The following PTPRD variants were observed in gnomAD, a reference collection of about 807,000 sequenced individuals.
PTPRD encodes the protein receptor-type tyrosine-protein phosphatase delta.
PTPRD carries 34 observed loss-of-function variants against 214.5 expected under a neutral mutation model. The ratio of observed to expected loss-of-function variants is 0.16; its 90% confidence interval spans 0.12 to 0.21. The LOEUF (loss-of-function observed/expected upper bound fraction) is 0.21. Ranked by LOEUF, PTPRD falls within the 10% of genes least tolerant of loss-of-function variation. The probability of loss-of-function intolerance (pLI) is 1.00; values close to 1 mark genes in which losing one functional copy is unlikely to be tolerated. For missense variants in PTPRD, 2,545 were observed against 2,398.7 expected, an observed-to-expected ratio of 1.06 and a Z score of -1.27; for synonymous variants, 1,128 against 845.7, an observed-to-expected ratio of 1.33 and a Z score of -5.79.
chr9:8,748,699 G>A (rs1291386396), intron 11 of PTPRD, among the ~76,000 whole-genome samples: 9 of 151,972 alleles, frequency 5.9e-5, no homozygotes, highest in East Asian at 1.9e-4. Context: ...ATCACCTGAC[G>A]TCAGGAGTTC....
chr9:8,776,716 T>C (rs1006678358), intron 11 of PTPRD, among the ~76,000 whole-genome samples: 7 of 151,482 alleles, frequency 4.6e-5, no homozygotes, highest in African/African-American at 1.7e-4. Flanking sequence ...AGGGATTCCA[T>C]TCAGAAACAA....
rs111228988 is a variant in PTPRD at position 9,195,082 on chromosome 9, T to TTGTG, written c.-202-11723_-202-11720dup. ...AATACATATATACATATGTGTGTGT[T>TTGTG]TGTGTATATATATATATATATATAT... On this transcript the variant is annotated intron_variant, in intron 9 of 45. Coordinates refer to ENST00000381196, the MANE Select transcript of PTPRD (RefSeq NM_002839.4). Among the ~76,000 whole-genome samples, 58 of 88,896 alleles carry TTGTG rather than the reference T, an allele frequency of 6.5e-4. No individual in the cohort carries two copies. The Admixed American group carries it at 7.0e-3, about 11-fold the overall frequency. 58.3% of individuals were successfully genotyped at this position (88,896 alleles called of 152,430 possible).
intron 2 of PTPRD, among the ~76,000 whole-genome samples, chr9:10,392,649 G>C (rs2098090897): frequency 6.6e-6 from 1 of 151,846 alleles, no homozygotes; most frequent in Admixed American, 6.6e-5. Flanking sequence ...TAGAGTTAGA[G>C]CATGCATTTT....
At chr9:8,839,590 G>C (rs2097518222) in intron 11 of PTPRD, among the ~76,000 whole-genome samples, 1 of 152,166 alleles carries the variant, frequency 6.6e-6, no homozygotes, top group African/African-American at 2.4e-5. Flanking sequence ...CTCCCAAAGT[G>C]CTGGGATTAC....
At chr9:10,038,998 G>C (rs1330653839) in intron 3 of PTPRD, among the ~76,000 whole-genome samples, 4 of 151,820 alleles carry the variant, frequency 2.6e-5, no homozygotes, top group Non-Finnish European at 4.4e-5. Flanking sequence ...GTGAGTCTAG[G>C]TACAAAAATG....
At chr9:8,596,477 A>G (rs2094482584) in intron 14 of PTPRD, among the ~76,000 whole-genome samples, 1 of 152,108 alleles carries the variant, frequency 6.6e-6, no homozygotes, top group African/African-American at 2.4e-5. Flanking sequence ...ACTTAGAATA[A>G]GCATCGTTAA....
intron 10 of PTPRD, among the ~76,000 whole-genome samples, chr9:9,047,809 G>A (rs1569503786): frequency 6.6e-6 from 1 of 152,040 alleles, no homozygotes; most frequent in Non-Finnish European, 1.5e-5. Flanking sequence ...AGCTCTGCAG[G>A]ACATTGGTCT....
intron 5 of PTPRD, among the ~76,000 whole-genome samples, chr9:9,807,928 A>G (rs1453554413): frequency 6.6e-6 from 1 of 152,096 alleles, no homozygotes; most frequent in Non-Finnish European, 1.5e-5. Context: ...TTTATATTGT[A>G]TTTTCATATT....
chr9:8,577,925 A>G (rs1159661663), intron 14 of PTPRD, among the ~76,000 whole-genome samples: 1 of 152,116 alleles, frequency 6.6e-6, no homozygotes. Context: ...TTTCTATTGA[A>G]ATCCTGTGTG....
At chr9:8,754,587 A>G (rs983335332) in intron 11 of PTPRD, among the ~76,000 whole-genome samples, 6 of 152,232 alleles carry the variant, frequency 3.9e-5, no homozygotes, top group Non-Finnish European at 8.8e-5. Context: ...ACCTCACACC[A>G]TATACAAAAT....
intron 32 of PTPRD, among the ~76,000 whole-genome samples, chr9:8,463,308 C>CAA (rs71308864): frequency 0.037 from 1,061 of 28,850 alleles, 151 homozygotes; most frequent in African/African-American, 0.079. Flanking sequence ...CAGAGGCAGC[C>CAA]AAAAAAAAAA....
chr9:9,306,699 C>T (rs983703637), intron 9 of PTPRD, among the ~76,000 whole-genome samples: 1 of 151,648 alleles, frequency 6.6e-6, no homozygotes, highest in Non-Finnish European at 1.5e-5. Flanking sequence ...AAATGGAATG[C>T]TATTGAATGC....
chr9:9,275,406 C>G (rs1945214146), intron 9 of PTPRD, among the ~76,000 whole-genome samples: 1 of 149,650 alleles, frequency 6.7e-6, no homozygotes, highest in African/African-American at 2.4e-5. Context: ...TCAGAGTCAC[C>G]TGCATTCAGT....
chr9:10,118,624 G>C (rs966513421), intron 3 of PTPRD, among the ~76,000 whole-genome samples: 1 of 151,508 alleles, frequency 6.6e-6, no homozygotes, highest in African/African-American at 2.4e-5. Flanking sequence ...AAGAATTAAA[G>C]ATGTTAGTTG....
At chr9:9,643,314 T>C (rs1390111802) in intron 7 of PTPRD, among the ~76,000 whole-genome samples, 3 of 152,046 alleles carry the variant, frequency 2.0e-5, no homozygotes, top group Non-Finnish European at 4.4e-5. Flanking sequence ...TTATACTTAA[T>C]CAGAACCAGT....
intron 14 of PTPRD, among the ~76,000 whole-genome samples, chr9:8,578,227 T>C (rs1374283424): frequency 6.6e-6 from 1 of 152,130 alleles, no homozygotes; most frequent in Non-Finnish European, 1.5e-5. Context: ...GAAAAATGAA[T>C]AAGATCATAT....
At chr9:9,293,071 T>C (rs1249774222) in intron 9 of PTPRD, among the ~76,000 whole-genome samples, 1 of 151,522 alleles carries the variant, frequency 6.6e-6, no homozygotes, top group Non-Finnish European at 1.5e-5. Context: ...ACGTACACGT[T>C]GGAAAGAAGT....
chr9:9,216,481 T>A (rs888897585), intron 9 of PTPRD, among the ~76,000 whole-genome samples: 1 of 152,170 alleles, frequency 6.6e-6, no homozygotes, highest in Non-Finnish European at 1.5e-5. Flanking sequence ...CTATATGCCC[T>A]TTCTTCTTTC....
rs555525645 is a variant in PTPRD at position 9,714,211 on chromosome 9, T to C, written c.-287+20322A>G. ...CTCTTAATTGATTTATATGCTACTT[T>C]TACCATGGGGCTATAGCACATGTTG... is the stretch of plus-strand genomic sequence containing the variant. On this transcript the variant is annotated intron_variant, in intron 7 of 45. Transcript: ENST00000381196. Among the ~76,000 whole-genome samples, 8 of 152,300 alleles carry C rather than the reference T, an allele frequency of 5.3e-5. 1 individual carries two copies. In the South Asian group the frequency reaches 1.7e-3, roughly 32 times the overall value.
Sources: allele counts gnomAD v4.1 joint callset (sites outside exome capture counted in the v4.1 genomes callset), GRCh38; gene constraint gnomAD v4.1.1; transcripts MANE v1.5; gene names NCBI Gene and HGNC (gene_info 2026-07-23, HGNC 2026-07-21).